GRM8: variants seen among roughly 807,000 people sequenced by gnomAD.
GRM8 encodes the protein glutamate metabotropic receptor 8, also known as metabotropic glutamate receptor 8.
In GRM8, 47 loss-of-function variants were observed where a neutral mutation model predicts 87.2. The ratio of observed to expected loss-of-function variants is 0.54; its 90% CI spans 0.43 to 0.69. GRM8 has a LOEUF of 0.69. Among genes scored for constraint, GRM8 ranks in the 30% least tolerant of loss-of-function variants. The probability of loss-of-function intolerance (pLI) is 0.00; values close to 1 mark genes in which losing one functional copy is unlikely to be tolerated. For synonymous variants in GRM8, 396 were observed against 404.5 expected (o/e 0.98, Z 0.25); for missense variants, 1,019 against 1,139.2 (o/e 0.89, Z 1.52).
intron 2 of GRM8, among the ~76,000 whole-genome samples, chr7:127,137,759 G>A (rs1380955126): frequency 6.6e-6 from 1 of 152,022 alleles, no homozygotes; most frequent in Non-Finnish European, 1.5e-5. Flanking sequence ...AATACTAGGT[G>A]AATTTCTTGT....
intron 7 of GRM8, among the ~76,000 whole-genome samples, chr7:126,670,469 T>C (rs1806257557): frequency 6.6e-6 from 1 of 152,228 alleles, no homozygotes; most frequent in Non-Finnish European, 1.5e-5. Context: ...GTTAAGTTAT[T>C]GTAAAACAGA....
At chr7:126,984,543 A>G (rs1811860492) in intron 3 of GRM8, among the ~76,000 whole-genome samples, 1 of 152,168 alleles carries the variant, frequency 6.6e-6, no homozygotes, top group Non-Finnish European at 1.5e-5. Flanking sequence ...CTTGAACACC[A>G]GACTCCAAAT....
In GRM8 at chr7:126,691,035, G is replaced by A. The variant is rs146925172; in HGVS notation, c.1357+78830C>T. On this transcript the variant is annotated intron_variant, in intron 7 of 10. Coordinates refer to ENST00000339582, the MANE Select transcript of GRM8 (RefSeq NM_000845.3). ...ACTGGCCTGAAGGCGGGGTTTCACC[G>A]GGGAACTGCCCCTTTCCACCCAGGA... Among the ~76,000 whole-genome samples the A allele has an allele frequency of 3.7e-3, 565 of 152,294 alleles. 2 individuals are homozygous for A. Among genetic ancestry groups the A allele is most frequent in the African/African-American group, 7.7e-3 (322 of 41,578 alleles).
chr7:126,793,703 C>T (rs10238240), intron 6 of GRM8, among the ~76,000 whole-genome samples: 10,584 of 152,154 alleles, frequency 0.07, 1,178 homozygotes, highest in African/African-American at 0.24. Flanking sequence ...ACAGGTTGAT[C>T]CAATTGAGTA....
chr7:126,748,209 A>G (rs745499998), intron 7 of GRM8, among the ~76,000 whole-genome samples: 5 of 152,092 alleles, frequency 3.3e-5, no homozygotes, highest in Non-Finnish European at 7.4e-5. Flanking sequence ...ATTGGAAAGG[A>G]AGTAATAAAA....
intron 6 of GRM8, among the ~76,000 whole-genome samples, chr7:126,864,012 T>C (rs929918290): frequency 4.0e-5 from 6 of 149,306 alleles, no homozygotes; most frequent in Non-Finnish European, 7.4e-5. Context: ...TTGGTTAACT[T>C]ACTTTATCTT....
At chr7:126,785,107 T>C (rs932718185) in intron 6 of GRM8, among the ~76,000 whole-genome samples, 3 of 152,134 alleles carry the variant, frequency 2.0e-5, no homozygotes, top group Non-Finnish European at 4.4e-5. Context: ...ACCACAGCCG[T>C]GGACTCCTGG....
chr7:126,480,663 A>G (rs1806562286), intron 9 of GRM8, among the ~76,000 whole-genome samples: 1 of 152,132 alleles, frequency 6.6e-6, no homozygotes, highest in African/African-American at 2.4e-5. Flanking sequence ...TGTTGGTTCA[A>G]AGTCAGAGGT....
At chr7:127,102,046 A>G (rs1825329296) in intron 3 of GRM8, among the ~76,000 whole-genome samples, 1 of 152,238 alleles carries the variant, frequency 6.6e-6, no homozygotes, top group Admixed American at 6.5e-5. Flanking sequence ...ACTTGGATGC[A>G]CTATGTCCAT....
chr7:126,852,464 G>T (rs779163841), intron 6 of GRM8, among the ~76,000 whole-genome samples: 6 of 152,146 alleles, frequency 3.9e-5, no homozygotes, highest in Non-Finnish European at 8.8e-5. Flanking sequence ...TAGCAGGATG[G>T]TATTCGGTAA....
chr7:126,960,030 GCT>G (rs1809142250), intron 3 of GRM8, among the ~76,000 whole-genome samples: 2 of 152,070 alleles, frequency 1.3e-5, no homozygotes, highest in Non-Finnish European at 2.9e-5. Context: ...TTGTTATTGA[GCT>G]CTTTATTTTT....
intron 3 of GRM8, among the ~76,000 whole-genome samples, chr7:126,955,433 A>G (rs1467029583): frequency 1.3e-5 from 2 of 152,164 alleles, no homozygotes; most frequent in African/African-American, 4.8e-5. Flanking sequence ...ATCGCTATCA[A>G]CTCATTCTTT....
intron 9 of GRM8, among the ~76,000 whole-genome samples, chr7:126,492,889 A>G (rs1808199414): frequency 6.6e-6 from 1 of 152,044 alleles, no homozygotes; most frequent in South Asian, 2.1e-4. Flanking sequence ...ATGCATTTGA[A>G]TATTGCCTGG....
chr7:126,938,163 TG>T (rs1225464704), intron 3 of GRM8, among the ~76,000 whole-genome samples: 1 of 152,212 alleles, frequency 6.6e-6, no homozygotes, highest in African/African-American at 2.4e-5. Flanking sequence ...GGAAATTTTT[TG>T]TCCTTAACTT....
chr7:126,817,786 A>G (rs1029942518), intron 6 of GRM8, among the ~76,000 whole-genome samples: 1 of 152,200 alleles, frequency 6.6e-6, no homozygotes, highest in African/African-American at 2.4e-5. Context: ...TCAATGAAAA[A>G]GAATTAATTT....
intron 6 of GRM8, among the ~76,000 whole-genome samples, chr7:126,863,735 T>G (rs1798343815): frequency 6.6e-6 from 1 of 152,172 alleles, no homozygotes; most frequent in Non-Finnish European, 1.5e-5. Context: ...AATTTATTAA[T>G]TTCTGAGGTA....
chr7:126,617,069 A>G (rs887529470), intron 7 of GRM8, among the ~76,000 whole-genome samples: 1 of 152,174 alleles, frequency 6.6e-6, no homozygotes, highest in African/African-American at 2.4e-5. Context: ...CAGAGACACA[A>G]CCAAAAAAGA....
intron 2 of GRM8, among the ~76,000 whole-genome samples, chr7:127,223,768 A>T (rs928381360): frequency 9.9e-5 from 15 of 152,196 alleles, no homozygotes; most frequent in African/African-American, 3.6e-4. Flanking sequence ...AGCCAGATGG[A>T]TATGGGTTTC....
chr7:126,495,898 G>A (rs1808653784), intron 9 of GRM8, among the ~76,000 whole-genome samples: 1 of 151,992 alleles, frequency 6.6e-6, no homozygotes, highest in Admixed American at 6.6e-5. Flanking sequence ...CTAGGCATAC[G>A]TGCATGCTGA....
Sources: allele counts gnomAD v4.1 joint callset (sites outside exome capture counted in the v4.1 genomes callset), GRCh38; gene constraint gnomAD v4.1.1; transcripts MANE v1.5; gene names NCBI Gene and HGNC (gene_info 2026-07-23, HGNC 2026-07-21).